The following SIPA1L2 variants were observed in gnomAD, a reference collection of about 807,000 sequenced individuals.
SIPA1L2 encodes signal-induced proliferation-associated 1-like protein 2.
Under a neutral mutation model 163.9 loss-of-function variants are expected in SIPA1L2, and 56 were observed. The observed-to-expected ratio is 0.34, with a 90% CI of 0.28 to 0.43. SIPA1L2 has a LOEUF of 0.43. Among genes scored for constraint, SIPA1L2 ranks in the 20% least tolerant of loss-of-function variants. The probability of loss-of-function intolerance (pLI) is 1.00; values close to 1 mark genes in which losing one functional copy is unlikely to be tolerated. For missense variants in SIPA1L2, 1,974 were observed against 2,193.5 expected, an observed-to-expected ratio of 0.90 and a Z score of 2.00; for synonymous variants, 877 against 865.7, an observed-to-expected ratio of 1.01 and a Z score of -0.23.
chr1:232,599,660 A>G (rs1210987511), intron 1 of SIPA1L2, among the ~76,000 whole-genome samples: 1 of 152,122 alleles, frequency 6.6e-6, no homozygotes, highest in Non-Finnish European at 1.5e-5. Flanking sequence ...ACCCTCTAAG[A>G]TTGGAGATGA....
chr1:232,541,451 T>A (rs1657673552), intron 2 of SIPA1L2, among the ~76,000 whole-genome samples: 1 of 152,200 alleles, frequency 6.6e-6, no homozygotes, highest in South Asian at 2.1e-4. Flanking sequence ...ACGGGTTTCC[T>A]GAACTCTAAG....
intron 1 of SIPA1L2, among the ~76,000 whole-genome samples, chr1:232,597,984 A>T (rs1264726512): frequency 6.6e-6 from 1 of 152,234 alleles, no homozygotes; most frequent in East Asian, 1.9e-4. Context: ...CCAAGACTGA[A>T]TGTGAAACTA....
At chr1:232,607,412 T>C (rs1291461430) in intron 1 of SIPA1L2, among the ~76,000 whole-genome samples, 3 of 152,230 alleles carry the variant, frequency 2.0e-5, no homozygotes, top group Admixed American at 2.0e-4. Context: ...ATCAAATTTT[T>C]TCCAATTTTT....
At chr1:232,622,140 C>T (rs1347400582) in intron 1 of SIPA1L2, among the ~76,000 whole-genome samples, 2 of 152,228 alleles carry the variant, frequency 1.3e-5, no homozygotes, top group Non-Finnish European at 2.9e-5. Context: ...GTATGCCTTG[C>T]TTACAGCACT....
In SIPA1L2 at chr1:232,428,584, T is replaced by C. The variant is rs774264102; in HGVS notation, c.4257-20A>G. The C allele has an allele frequency of 6.7e-7, 1 of 1,488,138 alleles. No homozygotes were observed. The highest frequency in any genetic ancestry group is 8.9e-7 in the Non-Finnish European group (1 of 1,118,508). The allele number at this position is 1,488,138 out of a possible 1,614,324, so 92.2% of individuals were successfully genotyped here. On this transcript the variant is annotated intron_variant, in intron 16 of 22. Transcript: ENST00000674635. ...TACATCCTGTTGAAAACAATCAGAA[T>C]GGAAATTAAGCCTATTTGTAAAGTG...
intron 1 of SIPA1L2, among the ~76,000 whole-genome samples, chr1:232,583,321 G>C (rs989990229): frequency 3.9e-5 from 6 of 152,198 alleles, no homozygotes; most frequent in Admixed American, 1.3e-4. Flanking sequence ...ATAAAATTTA[G>C]CATATATAGC....
chr1:232,630,454 G>A (rs1201179396), upstream of SIPA1L2, among the ~76,000 whole-genome samples: 1 of 152,164 alleles, frequency 6.6e-6, no homozygotes, highest in African/African-American at 2.4e-5. Flanking sequence ...CTAGAGAGCC[G>A]TCGCCGTCCT....
At chr1:232,500,383 G>A (rs190353968) in intron 3 of SIPA1L2, among the ~76,000 whole-genome samples, 1 of 152,316 alleles carries the variant, frequency 6.6e-6, no homozygotes, top group African/African-American at 2.4e-5. Context: ...GATTTGGGCA[G>A]ATAAAATTGG....
chr1:232,548,303 A>C (rs1163606626), intron 2 of SIPA1L2, among the ~76,000 whole-genome samples: 1 of 152,204 alleles, frequency 6.6e-6, no homozygotes. Context: ...TATGATAAGC[A>C]AACACAGCTG....
chr1:232,461,281 C>A, intron 9 of SIPA1L2, 120 bp from the exon 10 acceptor site: 1 of 1,221,908 alleles, frequency 8.2e-7, no homozygotes, highest in East Asian at 2.4e-5. Context: ...GCAGCCCAGC[C>A]TGTCTCTCTC....
chr1:232,506,739 G>A (rs753460747), intron 3 of SIPA1L2, among the ~76,000 whole-genome samples: 1 of 152,196 alleles, frequency 6.6e-6, no homozygotes, highest in Non-Finnish European at 1.5e-5. Context: ...CAGAAACAGT[G>A]AAGTTGGCTG....
At chr1:232,520,541 G>T (rs1667417407) in intron 2 of SIPA1L2, among the ~76,000 whole-genome samples, 1 of 152,118 alleles carries the variant, frequency 6.6e-6, no homozygotes. Flanking sequence ...CAATATTAGA[G>T]TTCTAATTGA....
In SIPA1L2 at chr1:232,399,391, A is replaced by AG. The variant is rs540804135; in HGVS notation, c.5023-119dup. 9.7e-4 allele frequency: 1,106 copies of AG among 1,140,252 alleles called. 1 individual carries two copies. The highest frequency in any genetic ancestry group is 9.1e-4 in the Non-Finnish European group (744 of 821,198). The allele number at this position is 1,140,252 out of a possible 1,614,324, so 70.6% of individuals were successfully genotyped here. On this transcript the variant is annotated intron_variant, in intron 22 of 22. Coordinates refer to ENST00000674635, the MANE Select transcript of SIPA1L2 (RefSeq NM_020808.5). ...TACTTATGTACTTTTTGAGGGGAGA[A>AG]GGGGTGACTTTCTTTAGTGAGGGGA... is the stretch of plus-strand genomic sequence containing the variant.
intron 1 of SIPA1L2, among the ~76,000 whole-genome samples, chr1:232,607,292 TTAA>T (rs1334399196): frequency 1.3e-5 from 2 of 152,210 alleles, no homozygotes; most frequent in Non-Finnish European, 2.9e-5. Context: ...ATGTTTTCAT[TTAA>T]TATTATGTGA....
At position 232,402,425 on chromosome 1, in the gene SIPA1L2, T is replaced by C. The variant is rs768600222; in HGVS notation, c.4989A>G (p.Leu1663=). 6.2e-7 allele frequency: 1 copy of C among 1,613,724 alleles called. No individual in the cohort carries two copies. Among genetic ancestry groups the C allele is most frequent in the South Asian group, 1.1e-5 (1 of 91,080 alleles). ...PLTGKVNQLE[L]ILRQLQTDLR... Reference sequence around the variant, plus strand: ...GGTCGGTCTGGAGTTGTCGAAGAATTAATTCCAGCTGATTGACTTTCCCGG... The same window carrying C: ...GGTCGGTCTGGAGTTGTCGAAGAATCAATTCCAGCTGATTGACTTTCCCGG... The change falls in exon 22 of 23, where the codon TTA becomes TTG. Residue 1663 remains leucine (L), a synonymous_variant. Transcript: ENST00000674635.
intron 2 of SIPA1L2, among the ~76,000 whole-genome samples, chr1:232,549,307 C>T (rs1429174737): frequency 1.3e-5 from 2 of 152,194 alleles, no homozygotes; most frequent in East Asian, 1.9e-4. Context: ...TCTTAGGACT[C>T]GACAGCAGAT....
intron 7 of SIPA1L2, among the ~76,000 whole-genome samples, chr1:232,474,553 C>A (rs991619228): frequency 2.0e-5 from 3 of 152,082 alleles, no homozygotes; most frequent in African/African-American, 7.2e-5. Context: ...TTCGACAGTA[C>A]AGTAGGGAAA....
At chr1:232,600,182 A>C (rs1383095956) in intron 1 of SIPA1L2, among the ~76,000 whole-genome samples, 1 of 152,208 alleles carries the variant, frequency 6.6e-6, no homozygotes, top group Non-Finnish European at 1.5e-5. Context: ...CTATAAACTG[A>C]TAGCAAGTTT....
chr1:232,401,568 A>G (rs1243087547), intron 22 of SIPA1L2, among the ~76,000 whole-genome samples: 1 of 152,204 alleles, frequency 6.6e-6, no homozygotes, highest in African/African-American at 2.4e-5. Flanking sequence ...GAACATGTGC[A>G]TATATGAACA....
Sources: gnomAD v4.1 joint callset for allele counts (sites outside exome capture counted in the v4.1 genomes callset) on GRCh38, gnomAD v4.1.1 for gene constraint, MANE v1.5 for transcripts, NCBI Gene and HGNC (gene_info 2026-07-23, HGNC 2026-07-21) for gene names.